Variants in SECISBP2 observed in about 807,000 individuals in gnomAD.
SECISBP2 encodes selenocysteine insertion sequence-binding protein 2.
Under a neutral mutation model 98.2 loss-of-function variants are expected in SECISBP2, and 96 were observed. That is an observed-to-expected ratio of 0.98 (90% CI 0.83 to 1.16). SECISBP2 has a LOEUF of 1.16. SECISBP2 is among the 50% of genes most tolerant of loss of function. The pLI is 0.00. For synonymous variants in SECISBP2, 407 were observed against 370.2 expected (o/e 1.10, Z -1.14); for missense variants, 1,046 against 1,022.9 (o/e 1.02, Z -0.31).
rs1302099203 is a variant in SECISBP2, at chr9:89,337,172, A to G, written c.1090-1286A>G. On this transcript the variant is annotated intron_variant, in intron 7 of 16. Transcript: ENST00000375807. ...TCTAAGAGTTAACAGATTTTGTTTTATTTTCCCAAGATCTTTTTTAAAAAT... is the reference window on the plus strand; with the variant it reads ...TCTAAGAGTTAACAGATTTTGTTTTGTTTTCCCAAGATCTTTTTTAAAAAT... Among the ~76,000 whole-genome samples, 3 of 151,920 alleles carry G rather than the reference A, an allele frequency of 2.0e-5. No homozygotes were observed. In the East Asian group the frequency reaches 5.8e-4, roughly 29 times the overall value.
At chr9:89,325,871 A>G (rs779285521) in intron 3 of SECISBP2, 26 bp from the exon 4 acceptor site, 3 of 1,613,246 alleles carry the variant, frequency 1.9e-6, no homozygotes, top group Non-Finnish European at 2.5e-6. Context: ...GTTTTATTTC[A>G]TGTTGCTTTT....
intron 6 of SECISBP2, chr9:89,333,941 T>TGAC: frequency 1.2e-6 from 1 of 819,738 alleles, no homozygotes; most frequent in Admixed American, 5.5e-5. Context: ...ACAGTCTGTT[T>TGAC]TACCCTTGGG....
intron 2 of SECISBP2, among the ~76,000 whole-genome samples, chr9:89,321,659 C>T (rs1825827950): frequency 6.6e-6 from 1 of 150,552 alleles, no homozygotes; most frequent in Non-Finnish European, 1.5e-5. Flanking sequence ...GAACAAGACT[C>T]TCTCTCAAAA....
In SECISBP2 at chr9:89,325,636, A is replaced by G. The variant is rs1266157110; in HGVS notation, c.392A>G (p.Asn131Ser). ...CAAACAGTGAAGCATCGAAATGAGA[A>G]CACATGCCCTCTCCCACAAGAAATG... ...GFQTVKHRNENTCPLPQEMKA... is the reference protein window; with the variant it reads ...GFQTVKHRNESTCPLPQEMKA... Residue 131 changes from asparagine (N) to serine (S), a missense_variant, in exon 3 of 17, where the codon AAC becomes AGC. Physicochemically the swap from Asn to Ser is conservative, Grantham distance 46. Transcript: ENST00000375807. 1.9e-6 allele frequency: 3 copies of G among 1,614,076 alleles called. No homozygotes were observed. In the African/African-American group the frequency reaches 4.0e-5, roughly 22 times the overall value.
intron 10 of SECISBP2, among the ~76,000 whole-genome samples, 159 bp downstream of exon 10, chr9:89,341,638 C>G (rs1259313688): frequency 2.0e-5 from 3 of 152,096 alleles, no homozygotes; most frequent in Non-Finnish European, 4.4e-5. Flanking sequence ...ATTAAGAGTC[C>G]AGAAATAAAT....
intron 7 of SECISBP2, 106 bp downstream of exon 7, chr9:89,334,836 G>A: frequency 1.2e-6 from 1 of 844,652 alleles, no homozygotes; most frequent in South Asian, 1.4e-5. Context: ...AGTTTTGCTA[G>A]GGGAAATGAG....
chr9:89,348,299 G>A (rs1830742065), intron 12 of SECISBP2, 85 bp downstream of exon 12: 2 of 1,461,468 alleles, frequency 1.4e-6, no homozygotes, highest in East Asian at 2.3e-5. Flanking sequence ...AACTCTCCAG[G>A]ACTTGGCTGA....
At chr9:89,327,106 G>A (rs1826846611) in intron 4 of SECISBP2, among the ~76,000 whole-genome samples, 1 of 151,760 alleles carries the variant, frequency 6.6e-6, no homozygotes, top group Non-Finnish European at 1.5e-5. Context: ...AGCTTGCAGT[G>A]AGCCGAGATC....
In SECISBP2 at chr9:89,358,841, G is replaced by A; in HGVS notation, c.*17G>A. 6.4e-7 allele frequency: 1 copy of A among 1,559,324 alleles called. No homozygotes were observed. The highest frequency in any genetic ancestry group is 1.1e-5 in the South Asian group (1 of 89,874). On this transcript the variant is annotated 3_prime_UTR_variant, in exon 17 of 17. Transcript: ENST00000375807. ...AATTTATGAGAGTTCTTGCCTGTGT[G>A]TCTGTATTTTGGGTAAGGAGGGGAG... is the stretch of plus-strand genomic sequence containing the variant.
At chr9:89,336,271 A>G (rs1188684705) in intron 7 of SECISBP2, among the ~76,000 whole-genome samples, 1 of 151,384 alleles carries the variant, frequency 6.6e-6, no homozygotes, top group East Asian at 1.9e-4. Flanking sequence ...CCTGGGCTCA[A>G]GCAGTCCTCC....
rs1024117946 is a variant in SECISBP2 at position 89,334,247 on chromosome 9, C to T, written c.881-275C>T. 34 of 1,161,776 alleles carry T rather than the reference C, an allele frequency of 2.9e-5. No individual in the cohort carries two copies. The South Asian group carries it at 3.8e-4, about 13-fold the overall frequency. The allele number at this position is 1,161,776 out of a possible 1,614,324, so 72.0% of individuals were successfully genotyped here. The stretch of plus-strand genomic sequence containing the variant: ...GTGGATTGTTGTTTTTTAACTAAAA[C>T]TACTGTTTGTCTACCCACCTCCAAC... On this transcript the variant is annotated intron_variant, in intron 6 of 16. Transcript: ENST00000375807.
At chr9:89,327,867 GTGGCACTATTT>G (rs1464879440) in intron 4 of SECISBP2, among the ~76,000 whole-genome samples, 23 of 150,476 alleles carry the variant, frequency 1.5e-4, no homozygotes, top group Non-Finnish European at 7.4e-5. Flanking sequence ...CTGGAGTGCA[GTGGCACTATTT>G]TGGCTCACTG....
chr9:89,336,081 CTTTTTTTTT>C (rs59799418), intron 7 of SECISBP2, among the ~76,000 whole-genome samples: 8 of 33,056 alleles, frequency 2.4e-4, no homozygotes, highest in South Asian at 9.8e-4. Flanking sequence ...ATTTTAAGTG[CTTTTTTTTT>C]TTTTTTTTTT....
intron 8 of SECISBP2, among the ~76,000 whole-genome samples, chr9:89,339,191 G>A (rs1347125744): frequency 6.6e-6 from 1 of 152,216 alleles, no homozygotes; most frequent in African/African-American, 2.4e-5. Flanking sequence ...CAGGCCGAAG[G>A]CTCTCTCAGA....
intron 14 of SECISBP2, 46 bp downstream of exon 14, chr9:89,350,898 T>G (rs768056050): frequency 3.4e-6 from 5 of 1,485,324 alleles, no homozygotes; most frequent in Non-Finnish European, 4.7e-6. Flanking sequence ...CCTGCATGAG[T>G]GCCTAGTGTG....
chr9:89,363,515 T>A, downstream of SECISBP2: 1 of 1,614,098 alleles, frequency 6.2e-7, no homozygotes, highest in Non-Finnish European at 8.5e-7. Flanking sequence ...CCACCTCTCC[T>A]GGTGGGTCAC....
intron 5 of SECISBP2, among the ~76,000 whole-genome samples, chr9:89,331,579 C>T (rs2131675731): frequency 6.6e-6 from 1 of 152,236 alleles, no homozygotes; most frequent in East Asian, 1.9e-4. Context: ...ATACTCGACC[C>T]CCCCATACAC....
intron 2 of SECISBP2, chr9:89,323,222 AAAGTGAAATAGT>A (rs1160531044): frequency 6.6e-6 from 1 of 152,304 alleles, no homozygotes; most frequent in African/African-American, 2.4e-5. Flanking sequence ...GAATTGGGAA[AAAGTGAAATAGT>A]AAGTGGAAAT....
At chr9:89,356,016 T>C (rs1832022282) in intron 14 of SECISBP2, among the ~76,000 whole-genome samples, 1 of 152,234 alleles carries the variant, frequency 6.6e-6, no homozygotes, top group Non-Finnish European at 1.5e-5. Flanking sequence ...TGAAATCCCG[T>C]CTGTAGTAAC....
Sources: gnomAD v4.1 joint callset for allele counts (sites outside exome capture counted in the v4.1 genomes callset) on GRCh38, gnomAD v4.1.1 for gene constraint, MANE v1.5 for transcripts, NCBI Gene and HGNC (gene_info 2026-07-23, HGNC 2026-07-21) for gene names.